Variants in NDUFAF6 observed in about 807,000 individuals in gnomAD.
The protein encoded by NDUFAF6 is NADH dehydrogenase (ubiquinone) complex I, assembly factor 6.
Under a neutral mutation model 40.8 loss-of-function variants are expected in NDUFAF6, and 45 were observed. The observed-to-expected ratio is 1.10, with a 90% CI of 0.87 to 1.42. The LOEUF is 1.42. NDUFAF6 is among the 40% of genes most tolerant of loss of function. The pLI is 0.00. For missense variants in NDUFAF6, 435 were observed against 418.5 expected (o/e 1.04, Z -0.34); for synonymous variants, 185 against 155.9 (o/e 1.19, Z -1.39).
intron 2 of NDUFAF6, among the ~76,000 whole-genome samples, chr8:95,093,968 C>CTT (rs1809353151): frequency 6.6e-6 from 1 of 151,890 alleles, no homozygotes; most frequent in Non-Finnish European, 1.5e-5. Flanking sequence ...TAAATACTTC[C>CTT]TTTTTTTGTT....
chr8:95,037,529 G>T (rs1829642063), intron 3 of NDUFAF6, among the ~76,000 whole-genome samples: 1 of 152,224 alleles, frequency 6.6e-6, no homozygotes. Context: ...GAATTTGGAA[G>T]AGAGGCCTAT....
At chr8:95,085,234 T>C (rs1809004349) in intron 2 of NDUFAF6, among the ~76,000 whole-genome samples, 1 of 152,176 alleles carries the variant, frequency 6.6e-6, no homozygotes, top group Non-Finnish European at 1.5e-5. Flanking sequence ...AAGAAGTCTT[T>C]AGATAATGTG....
downstream of NDUFAF6, among the ~76,000 whole-genome samples, chr8:95,060,838 G>C (rs558171165): frequency 6.6e-6 from 1 of 152,202 alleles, no homozygotes; most frequent in South Asian, 2.1e-4. Flanking sequence ...ATACAAATTA[G>C]GTTAAAAAAG....
At chr8:94,968,740 C>G (rs1824217787) in intron 1 of NDUFAF6, among the ~76,000 whole-genome samples, 1 of 152,128 alleles carries the variant, frequency 6.6e-6, no homozygotes, top group African/African-American at 2.4e-5. Context: ...CAGATGGTAC[C>G]AAGGGCGAGA....
rs552746402 is a variant in NDUFAF6, at chr8:95,002,956, G to A, written c.-84+21983G>A. Among the ~76,000 whole-genome samples the A allele has an allele frequency of 3.3e-5, 5 of 152,258 alleles. No individual in the cohort carries two copies. The East Asian group carries it at 7.7e-4, about 23-fold the overall frequency. On this transcript the variant is annotated intron_variant, in intron 2 of 9. Transcript: ENST00000396111. ...TGTGGTAGTGGTTAGAAGGCATTGC[G>A]TGGAAATTGGCCACAGACAACTTCT...
chr8:95,009,315 C>A (rs1478530354), intron 2 of NDUFAF6, among the ~76,000 whole-genome samples: 3 of 152,236 alleles, frequency 2.0e-5, no homozygotes, highest in African/African-American at 7.2e-5. Flanking sequence ...ATATATACCT[C>A]CATACGTAAG....
At chr8:95,064,065 G>GTTTTTTTTTTT (rs1369326100) in intron 9 of NDUFAF6, among the ~76,000 whole-genome samples, 2 of 131,954 alleles carry the variant, frequency 1.5e-5, no homozygotes, top group African/African-American at 2.9e-5. Context: ...TTTTTTTTTG[G>GTTTTTTTTTTT]ATTTTTACTA....
intron 1 of NDUFAF6, among the ~76,000 whole-genome samples, chr8:94,943,106 G>C (rs1438942322): frequency 6.6e-6 from 1 of 152,190 alleles, no homozygotes; most frequent in African/African-American, 2.4e-5. Context: ...GCAGGCAGCA[G>C]GATATAGAGC....
chr8:95,101,492 C>T (rs1203424233), intron 2 of NDUFAF6, among the ~76,000 whole-genome samples: 2 of 152,124 alleles, frequency 1.3e-5, no homozygotes, highest in East Asian at 3.9e-4. Context: ...CATTATTGAA[C>T]ACTGAATTGC....
intron 1 of NDUFAF6, among the ~76,000 whole-genome samples, chr8:94,936,074 A>G (rs1186656499): frequency 6.6e-6 from 1 of 152,116 alleles, no homozygotes; most frequent in Non-Finnish European, 1.5e-5. Context: ...GACTGTGAAC[A>G]CCTCTCAGTA....
upstream of NDUFAF6, among the ~76,000 whole-genome samples, chr8:94,956,890 G>A (rs530531623): frequency 6.6e-6 from 1 of 152,158 alleles, no homozygotes; most frequent in Non-Finnish European, 1.5e-5. Flanking sequence ...GGGAATGGGG[G>A]CCAGGCGCAG....
At chr8:95,049,558 T>G (rs1311361956) in intron 7 of NDUFAF6, among the ~76,000 whole-genome samples, 1 of 152,176 alleles carries the variant, frequency 6.6e-6, no homozygotes, top group Non-Finnish European at 1.5e-5. Flanking sequence ...TCCTGGTACT[T>G]CTTGTGAACC....
rs2599712 is a variant in NDUFAF6 at position 95,045,179 on chromosome 8, G to A, written c.478-366G>A. On this transcript the variant is annotated intron_variant, in intron 4 of 8. Transcript: ENST00000396124. ...AGTATTAATTCCTTATCTCTTGGAGGGGGGGTTGTTTGGGTTAAGAAGATA... is the reference window on the plus strand; with the variant it reads ...AGTATTAATTCCTTATCTCTTGGAGAGGGGGTTGTTTGGGTTAAGAAGATA... Among the ~76,000 whole-genome samples, 283 of 152,052 alleles carry A rather than the reference G, an allele frequency of 1.9e-3. 11 individuals are homozygous for A. In the East Asian group the frequency reaches 0.051, roughly 27 times the overall value.
chr8:95,075,727 G>C lies in NDUFAF6; in HGVS notation c.*606G>C, dbSNP rs1375034626. 7.0e-6 allele frequency: 9 copies of C among 1,286,604 alleles called. No individual in the cohort carries two copies. In the South Asian group the frequency reaches 1.1e-4, roughly 16 times the overall value. 79.7% of individuals were successfully genotyped at this position (1,286,604 alleles called of 1,614,324 possible). A position where few individuals can be genotyped will look rare whatever the true frequency, so the allele number is the denominator to read the frequency against. ...CTGGGAGAGAGATTTGAAGGACTCT[G>C]GTTCTAGGCATGCGCACTTCTCCAG... On this transcript the variant is annotated 3_prime_UTR_variant and NMD_transcript_variant, in exon 10 of 10. Coordinates refer to the NDUFAF6 transcript ENST00000520757.
At chr8:94,903,801 GTTTC>G (rs1229093247) in intron 1 of NDUFAF6, among the ~76,000 whole-genome samples, 4 of 152,322 alleles carry the variant, frequency 2.6e-5, no homozygotes, top group Middle Eastern at 3.4e-3. Context: ...TTAAGGCGCT[GTTTC>G]TGAACTATTT....
chr8:95,051,555 G>A lies in NDUFAF6; in HGVS notation c.817-619G>A, dbSNP rs553607845. Among the ~76,000 whole-genome samples the A allele has an allele frequency of 6.6e-4, 100 of 152,132 alleles. 1 individual carries two copies. Among genetic ancestry groups the A allele is most frequent in the Non-Finnish European group, 1.1e-3 (78 of 68,028 alleles). ...AAGACATGGAGACAGGAGTGGGCTT[G>A]GCGAACACAGGATGATGGGCATCAG... On this transcript the variant is annotated intron_variant, in intron 7 of 8. Coordinates refer to ENST00000396124, the MANE Select transcript of NDUFAF6 (RefSeq NM_152416.4).
At position 94,941,152 on chromosome 8, in the gene NDUFAF6, C is replaced by T. The variant is rs148947556; in HGVS notation, c.-935-4331C>T. The T allele has an allele frequency of 7.9e-6, 4 of 506,230 alleles. No homozygotes were observed. The South Asian group carries it at 8.5e-5, about 11-fold the overall frequency. 31.4% of individuals were successfully genotyped at this position (506,230 alleles called of 1,614,324 possible). ...CAGCATGCACATATATACATAAGTA[C>T]ATACACATACACACATACCCTTAGA... is the stretch of plus-strand genomic sequence containing the variant. On this transcript the variant is annotated intron_variant, in intron 1 of 14. Transcript: ENST00000396113.
At chr8:95,038,059 T>A (rs116530406) in intron 3 of NDUFAF6, among the ~76,000 whole-genome samples, 2,881 of 152,076 alleles carry the variant, frequency 0.019, 79 homozygotes, top group African/African-American at 0.06. Context: ...AATTAAAAAA[T>A]TTTTTTTCTA....
chr8:94,987,120 C>T (rs1825951979), intron 2 of NDUFAF6, among the ~76,000 whole-genome samples: 1 of 152,196 alleles, frequency 6.6e-6, no homozygotes, highest in Admixed American at 6.5e-5. Flanking sequence ...ACAGACTATC[C>T]AGGATTCAGT....
Sources: gnomAD v4.1 joint callset for allele counts (sites outside exome capture counted in the v4.1 genomes callset) on GRCh38, gnomAD v4.1.1 for gene constraint, MANE v1.5 for transcripts, NCBI Gene and HGNC (gene_info 2026-07-23, HGNC 2026-07-21) for gene names.